Variants in CYP2J2 observed in about 807,000 individuals in gnomAD.
CYP2J2 encodes cytochrome P450 2J2.
In CYP2J2, 41 loss-of-function variants were observed where a neutral mutation model predicts 48.8. That is an observed-to-expected ratio of 0.84 (90% CI 0.66 to 1.09). The LOEUF (loss-of-function observed/expected upper bound fraction) is 1.09, where lower values mean the gene tolerates loss of function less well. CYP2J2 is among the 50% of genes least tolerant of loss of function. The probability of loss-of-function intolerance (pLI) is 0.00; values close to 1 mark genes in which losing one functional copy is unlikely to be tolerated. For synonymous variants in CYP2J2, 221 were observed against 227.1 expected (o/e 0.97, Z 0.24); for missense variants, 644 against 617.3 (o/e 1.04, Z -0.46).
At chr1:59,926,456 C>T (rs1644564955) in intron 1 of CYP2J2, 81 bp downstream of exon 1, 3 of 1,219,458 alleles carry the variant, frequency 2.5e-6, no homozygotes, top group Non-Finnish European at 3.6e-6. Flanking sequence ...TCCCCCACCC[C>T]ACCCACGTTG....
chr1:59,946,723 G>A, the CYP2J2 span, among the ~76,000 whole-genome samples: 1 of 152,124 alleles, frequency 6.6e-6, no homozygotes, highest in African/African-American at 2.4e-5. Flanking sequence ...AAAAGATGAT[G>A]AAGAGATTAG....
intron 8 of CYP2J2, among the ~76,000 whole-genome samples, chr1:59,898,488 A>G (rs916488784): frequency 6.6e-6 from 1 of 152,244 alleles, no homozygotes; most frequent in Non-Finnish European, 1.5e-5. Flanking sequence ...GCACAGCCAC[A>G]TATCTGACTT....
chr1:59,924,873 G>GA (rs879745688), intron 1 of CYP2J2, among the ~76,000 whole-genome samples: 12 of 151,232 alleles, frequency 7.9e-5, no homozygotes, highest in South Asian at 2.1e-4. Flanking sequence ...TTGCCAGAAT[G>GA]AAAAAAAAGA....
intron 1 of CYP2J2, among the ~76,000 whole-genome samples, chr1:59,918,899 T>C (rs2102134363): frequency 6.6e-6 from 1 of 152,240 alleles, no homozygotes; most frequent in Middle Eastern, 3.4e-3. Context: ...AATAAATGTT[T>C]ACAGTAAAGA....
chr1:59,941,782 A>T, the CYP2J2 span, among the ~76,000 whole-genome samples: 1 of 130,854 alleles, frequency 7.6e-6, no homozygotes, highest in Non-Finnish European at 1.6e-5. Flanking sequence ...ATAGAAAAAC[A>T]TGTATAATGA....
At chr1:59,947,281 T>C in the CYP2J2 span, among the ~76,000 whole-genome samples, 2 of 152,214 alleles carry the variant, frequency 1.3e-5, no homozygotes, top group African/African-American at 2.4e-5. Context: ...GTCATCTGTG[T>C]AGTTTGAAAA....
At position 59,920,614 on chromosome 1, in the gene CYP2J2, G is replaced by A. The variant is rs11572220; in HGVS notation, c.211-4514C>T. Reference sequence around the variant, plus strand: ...AGGCTGACAAGGTAATCTGAGCTAGGCTGAGGAGAGTCTTAATATCAGGTA... The same window carrying A: ...AGGCTGACAAGGTAATCTGAGCTAGACTGAGGAGAGTCTTAATATCAGGTA... On this transcript the variant is annotated intron_variant, in intron 1 of 8. Transcript: ENST00000371204. Among the ~76,000 whole-genome samples, 726 of 152,258 alleles carry A rather than the reference G, an allele frequency of 4.8e-3. 4 individuals are homozygous for A. Among genetic ancestry groups the A allele is most frequent in the African/African-American group, 0.016 (677 of 41,550 alleles).
intron 1 of CYP2J2, among the ~76,000 whole-genome samples, chr1:59,923,382 A>T (rs187162991): frequency 1.4e-3 from 210 of 152,384 alleles, no homozygotes; most frequent in Non-Finnish European, 2.7e-3. Flanking sequence ...GGTAAGTCTT[A>T]TAACAAATAT....
intron 1 of CYP2J2, among the ~76,000 whole-genome samples, chr1:59,920,097 G>T (rs1190202274): frequency 6.6e-6 from 1 of 151,882 alleles, no homozygotes; most frequent in Non-Finnish European, 1.5e-5. Context: ...TTCCACCACA[G>T]ATATAAGAAA....
the CYP2J2 span, among the ~76,000 whole-genome samples, chr1:59,942,817 AATAATG>A: frequency 7.2e-5 from 11 of 152,218 alleles, no homozygotes; most frequent in Non-Finnish European, 1.3e-4. Flanking sequence ...AGTAATAAAA[AATAATG>A]ATAATAACAA....
the CYP2J2 span, among the ~76,000 whole-genome samples, chr1:59,937,798 C>A: frequency 2.0e-5 from 3 of 151,934 alleles, no homozygotes; most frequent in African/African-American, 4.8e-5. Context: ...TTGTCAAATA[C>A]CCCATCTTTG....
Position 59,912,307 on chromosome 1 carries a change from C to G in CYP2J2, c.378G>C (p.Leu126Phe), listed in dbSNP as rs753315409. The change falls in exon 3 of 9, where the codon TTG becomes TTC. Residue 126 changes from leucine (L) to phenylalanine (F), a missense_variant. Physicochemically the swap from Leu to Phe is conservative, Grantham distance 22. Coordinates refer to ENST00000371204, the MANE Select transcript of CYP2J2 (RefSeq NM_000775.4). ...TCCATGCCTGGCCACTTGACATAAT[C>G]AATCCTGGGAAAAAGAAAGTCAACA... is the stretch of plus-strand genomic sequence containing the variant. ...MREHIFKKNG[L>F]IMSSGQAWKE... 7.4e-6 allele frequency: 12 copies of G among 1,611,232 alleles called. No individual in the cohort carries two copies. The East Asian group carries it at 2.5e-4, about 33-fold the overall frequency.
chr1:59,918,503 C>A (rs553340480), intron 1 of CYP2J2, among the ~76,000 whole-genome samples: 1 of 152,036 alleles, frequency 6.6e-6, no homozygotes, highest in African/African-American at 2.4e-5. Flanking sequence ...TGTTTAAACA[C>A]GGGGTAGGAG....
At chr1:59,949,640 A>T in the CYP2J2 span, among the ~76,000 whole-genome samples, 2 of 151,464 alleles carry the variant, frequency 1.3e-5, no homozygotes, top group Admixed American at 1.3e-4. Context: ...GGTAACCCCC[A>T]ATCACTAGAG....
intron 5 of CYP2J2, 39 bp downstream of exon 5, chr1:59,909,745 C>A: frequency 6.7e-7 from 1 of 1,496,478 alleles, no homozygotes; most frequent in South Asian, 1.3e-5. Flanking sequence ...TCTATTTGTG[C>A]TCTAAGAACA....
the CYP2J2 span, among the ~76,000 whole-genome samples, chr1:59,954,420 G>T: frequency 6.6e-6 from 1 of 152,156 alleles, no homozygotes; most frequent in Non-Finnish European, 1.5e-5. Flanking sequence ...CATTGAACAT[G>T]AGTGGAAGTG....
intron 1 of CYP2J2, among the ~76,000 whole-genome samples, chr1:59,923,956 A>G (rs1644539507): frequency 1.3e-5 from 2 of 152,314 alleles, no homozygotes; most frequent in South Asian, 4.1e-4. Flanking sequence ...TCAGAAACCC[A>G]AACAGGATAA....
rs1644417274 is a variant in CYP2J2 at position 59,911,712 on chromosome 1, A to G, written c.580T>C (p.Ser194Pro). 6.2e-7 allele frequency: 1 copy of G among 1,613,758 alleles called. No individual in the cohort carries two copies. Among genetic ancestry groups the G allele is most frequent in the East Asian group, 2.2e-5 (1 of 44,872 alleles). The stretch of plus-strand genomic sequence containing the variant: ...TCAAAGCGTTCTCCGAAGGTGATGG[A>G]GCAAATGATATTGGAAACTGCATTG... ...INNAVSNIIC[S>P]ITFGERFEYQ... is the part of the protein sequence containing the mutation. Residue 194 changes from serine (S) to proline (P), a missense_variant, in exon 4 of 9, where the codon TCC becomes CCC. Ser to Pro is a moderately conservative substitution (Grantham distance 74, BLOSUM62 -1). Transcript: ENST00000371204.
intron 6 of CYP2J2, among the ~76,000 whole-genome samples, chr1:59,906,946 A>G (rs1304831581): frequency 6.6e-6 from 1 of 152,218 alleles, no homozygotes; most frequent in Non-Finnish European, 1.5e-5. Flanking sequence ...AATTGATTTT[A>G]TGCCTCATTA....
Sources: allele counts gnomAD v4.1 joint callset (sites outside exome capture counted in the v4.1 genomes callset), GRCh38; gene constraint gnomAD v4.1.1; transcripts MANE v1.5; gene names NCBI Gene and HGNC (gene_info 2026-07-23, HGNC 2026-07-21).